CHCHD3: variants seen among roughly 807,000 people sequenced by gnomAD.
The protein encoded by CHCHD3 is coiled-coil-helix-coiled-coil-helix domain containing 3, also known as MICOS complex subunit MIC19.
Under a neutral mutation model 38.2 loss-of-function variants are expected in CHCHD3, and 20 were observed. The observed-to-expected ratio is 0.52, with a 90% CI of 0.37 to 0.76. The LOEUF (loss-of-function observed/expected upper bound fraction) is 0.76, where lower values mean the gene tolerates loss of function less well. Ranked by LOEUF, CHCHD3 falls within the 30% of genes least tolerant of loss-of-function variation. CHCHD3 has a pLI of 0.00. For synonymous variants in CHCHD3, 82 were observed against 100.0 expected (o/e 0.82, Z 1.07); for missense variants, 245 against 279.2 (o/e 0.88, Z 0.87).
Position 132,961,608 on chromosome 7 carries a change from G to A in CHCHD3, c.369+13561C>T, listed in dbSNP as rs190061251. ...ACCTGTGCGTGTGCTCGCACACAAT[G>A]CATGCGTGCGGTTAAGAACATTTAA... On this transcript the variant is annotated intron_variant, in intron 4 of 7. Coordinates refer to ENST00000262570, the MANE Select transcript of CHCHD3 (RefSeq NM_017812.4). 1.0e-3 allele frequency among the ~76,000 whole-genome samples: 156 copies of A among 152,292 alleles called. 1 individual carries two copies. Among genetic ancestry groups the A allele is most frequent in the African/African-American group, 3.7e-3 (154 of 41,562 alleles).
intron 3 of CHCHD3, among the ~76,000 whole-genome samples, chr7:132,985,111 G>C (rs551503534): frequency 2.2e-5 from 2 of 92,698 alleles, no homozygotes; most frequent in African/African-American, 8.2e-5. Context: ...CGCCCCATCC[G>C]GGAGGTGAGG....
At chr7:132,963,358 A>G (rs1232096388) in intron 4 of CHCHD3, among the ~76,000 whole-genome samples, 1 of 114,172 alleles carries the variant, frequency 8.8e-6, no homozygotes, top group Non-Finnish European at 1.7e-5. Flanking sequence ...TTTGCCAGGC[A>G]CTGTGGCTCA....
chr7:133,068,596 G>C (rs1184275933), intron 2 of CHCHD3, among the ~76,000 whole-genome samples: 1 of 152,192 alleles, frequency 6.6e-6, no homozygotes, highest in Non-Finnish European at 1.5e-5. Flanking sequence ...CACAGCACAG[G>C]GGGAAAGAGT....
chr7:132,786,249 G>A (rs1166435556), intron 7 of CHCHD3, among the ~76,000 whole-genome samples: 1 of 152,158 alleles, frequency 6.6e-6, no homozygotes, highest in Non-Finnish European at 1.5e-5. Context: ...GCAGTGACCG[G>A]GGGAAAGCTA....
intron 6 of CHCHD3, among the ~76,000 whole-genome samples, chr7:132,836,712 C>T (rs760210601): frequency 8.6e-5 from 13 of 151,396 alleles, no homozygotes; most frequent in Admixed American, 4.6e-4. Context: ...AGGCCTCAAG[C>T]GATCCTCCTG....
chr7:132,963,973 C>T (rs1398673560), intron 4 of CHCHD3, among the ~76,000 whole-genome samples: 1 of 152,198 alleles, frequency 6.6e-6, no homozygotes, highest in Non-Finnish European at 1.5e-5. Flanking sequence ...TTTGTTTAAA[C>T]TTAACAAATC....
chr7:132,812,199 T>TC (rs1272686578), intron 6 of CHCHD3, among the ~76,000 whole-genome samples: 1 of 75,018 alleles, frequency 1.3e-5, no homozygotes, highest in Non-Finnish European at 2.5e-5. Flanking sequence ...TTTTTTCTTT[T>TC]CTTTTTTTTT....
At chr7:132,937,688 G>A (rs1282005768) in intron 4 of CHCHD3, among the ~76,000 whole-genome samples, 1 of 152,168 alleles carries the variant, frequency 6.6e-6, no homozygotes, top group Non-Finnish European at 1.5e-5. Context: ...CCTACTTCAA[G>A]CTACTAATGG....
rs755415103 is a variant in CHCHD3 at position 132,975,154 on chromosome 7, A to G, written c.369+15T>C. 4.2e-5 allele frequency: 68 copies of G among 1,601,988 alleles called. No individual in the cohort carries two copies. The highest frequency in any genetic ancestry group is 5.5e-5 in the Non-Finnish European group (65 of 1,171,178). On this transcript the variant is annotated intron_variant, in intron 4 of 7. Transcript: ENST00000262570. ...TTGTAGGCAAGAAAATTTCTCCTAC[A>G]TTTTTAATACTCACCAGGTGCTTTG...
intron 3 of CHCHD3, among the ~76,000 whole-genome samples, chr7:132,991,649 G>A (rs1812287350): frequency 6.6e-6 from 1 of 151,988 alleles, no homozygotes; most frequent in Non-Finnish European, 1.5e-5. Flanking sequence ...CACTACTCCA[G>A]CAAACCCAGT....
intron 4 of CHCHD3, among the ~76,000 whole-genome samples, chr7:132,934,163 G>A (rs1810581136): frequency 6.6e-6 from 1 of 152,148 alleles, no homozygotes; most frequent in African/African-American, 2.4e-5. Flanking sequence ...GGATTCACCT[G>A]GGGATCTTGT....
At chr7:133,009,759 T>TA (rs1446931630) in intron 3 of CHCHD3, among the ~76,000 whole-genome samples, 3 of 152,162 alleles carry the variant, frequency 2.0e-5, no homozygotes, top group Non-Finnish European at 2.9e-5. Context: ...TTACACAACA[T>TA]ACGCTCTGGT....
intron 3 of CHCHD3, among the ~76,000 whole-genome samples, chr7:132,996,489 TTGAC>T (rs1195945191): frequency 2.0e-5 from 3 of 152,206 alleles, no homozygotes; most frequent in African/African-American, 7.2e-5. Context: ...AATAGTCCAA[TTGAC>T]TGACTATGAA....
At chr7:133,066,770 AAAC>A (rs1481348728) in intron 2 of CHCHD3, among the ~76,000 whole-genome samples, 1 of 152,168 alleles carries the variant, frequency 6.6e-6, no homozygotes, top group Non-Finnish European at 1.5e-5. Context: ...CGAAATATCA[AAAC>A]AACCCAAGAG....
In CHCHD3 at chr7:133,034,935, G is replaced by A. The variant is rs762467447; in HGVS notation, c.170-10308C>T. The A allele has an allele frequency of 3.7e-5, 59 of 1,604,228 alleles. No homozygotes were observed. The East Asian group carries it at 1.3e-3, about 36-fold the overall frequency. ...CATGAAGGTCTGAGTGAGTTCTTCA[G>A]GGAAGCGATACTCTGAGTACCACAG... On this transcript the variant is annotated intron_variant, in intron 2 of 7. Coordinates refer to ENST00000262570, the MANE Select transcript of CHCHD3 (RefSeq NM_017812.4).
intron 4 of CHCHD3, among the ~76,000 whole-genome samples, chr7:132,933,859 G>A (rs917250641): frequency 5.3e-5 from 8 of 152,196 alleles, no homozygotes; most frequent in African/African-American, 1.9e-4. Flanking sequence ...GGACCAGAGT[G>A]TGCCAGTGGG....
At chr7:133,081,492 G>A (rs1353071628) in intron 1 of CHCHD3, among the ~76,000 whole-genome samples, 5 of 152,124 alleles carry the variant, frequency 3.3e-5, no homozygotes, top group Admixed American at 1.3e-4. Flanking sequence ...GAAAAGCAGG[G>A]TTTGGGTCCT....
intron 2 of CHCHD3, among the ~76,000 whole-genome samples, chr7:133,047,415 T>C (rs991830679): frequency 1.3e-5 from 2 of 152,208 alleles, no homozygotes; most frequent in Non-Finnish European, 2.9e-5. Flanking sequence ...CTACCCTGCC[T>C]GAATTAACAA....
chr7:132,793,801 T>G (rs1320209133), intron 7 of CHCHD3, among the ~76,000 whole-genome samples: 1 of 152,218 alleles, frequency 6.6e-6, no homozygotes, highest in African/African-American at 2.4e-5. Flanking sequence ...GTATTTTCCA[T>G]GTTTAGCATG....
Sources: gnomAD v4.1 joint callset for allele counts (sites outside exome capture counted in the v4.1 genomes callset) on GRCh38, gnomAD v4.1.1 for gene constraint, MANE v1.5 for transcripts, NCBI Gene and HGNC (gene_info 2026-07-23, HGNC 2026-07-21) for gene names.